The following LSM12 variants were observed in gnomAD, a reference collection of about 807,000 sequenced individuals.
LSM12 encodes the protein protein LSM12.
For synonymous variants in LSM12, 74 were observed against 87.3 expected (o/e 0.85, Z 0.85); for missense variants, 108 against 238.9 (o/e 0.45, Z 3.61).
At position 44,040,442 on chromosome 17, in the gene LSM12, A is replaced by G. The variant is rs1007772223; in HGVS notation, c.259-186T>C. ...TACCTGAACAGTTACTGGTATTCCA[A>G]GAAAACGTTCCTTCCTTCCTTCTAA... On this transcript the variant is annotated intron_variant, in intron 2 of 4. Coordinates refer to ENST00000293406, the MANE Select transcript of LSM12 (RefSeq NM_001371445.1). The G allele has an allele frequency of 6.1e-4, 320 of 523,924 alleles. 1 individual carries two copies. Among genetic ancestry groups the G allele is most frequent in the Non-Finnish European group, 1.7e-4 (50 of 287,414 alleles). The allele number at this position is 523,924 out of a possible 1,614,324, so 32.5% of individuals were successfully genotyped here.
chr17:44,066,672 G>C (rs1048241336), upstream of LSM12: 11 of 1,260,430 alleles, frequency 8.7e-6, no homozygotes, highest in Admixed American at 4.4e-5. Context: ...ACGCGACGGC[G>C]CGCACGGAGC....
intron 2 of LSM12, among the ~76,000 whole-genome samples, chr17:44,041,603 C>G (rs1371188131): frequency 6.6e-6 from 1 of 152,202 alleles, no homozygotes; most frequent in Non-Finnish European, 1.5e-5. Context: ...AATTCTACGT[C>G]ATGTCTGTTC....
intron 2 of LSM12, among the ~76,000 whole-genome samples, chr17:44,049,947 G>A (rs140379636): frequency 5.9e-5 from 9 of 152,308 alleles, no homozygotes; most frequent in Non-Finnish European, 1.2e-4. Flanking sequence ...AGGAAACACT[G>A]CAGCTGCTGC....
intron 2 of LSM12, among the ~76,000 whole-genome samples, chr17:44,063,220 C>T (rs571011888): frequency 1.4e-4 from 21 of 152,268 alleles, no homozygotes; most frequent in African/African-American, 4.6e-4. Flanking sequence ...CAAAGCAAGA[C>T]CCTGTCTCAC....
chr17:44,066,607 C>CCGGCGGCGG lies in LSM12; in HGVS notation c.-29_-21dup, dbSNP rs758214554. On this transcript the variant is annotated 5_prime_UTR_variant, in exon 1 of 5. Coordinates refer to ENST00000293406, the MANE Select transcript of LSM12 (RefSeq NM_001371445.1). The stretch of plus-strand genomic sequence containing the variant: ...CGCCATCTTGGGAGTGCAGCCGCGG[C>CCGGCGGCGG]CGGCGGCGGCGGCGGCAGCAGCGGG... 6 of 1,340,204 alleles carry CCGGCGGCGG rather than the reference C, an allele frequency of 4.5e-6. No individual in the cohort carries two copies. Among genetic ancestry groups the CCGGCGGCGG allele is most frequent in the African/African-American group, 3.1e-5 (2 of 64,868 alleles). The allele number at this position is 1,340,204 out of a possible 1,614,324, so 83.0% of individuals were successfully genotyped here.
At chr17:44,055,982 C>T (rs546404658) in intron 2 of LSM12, among the ~76,000 whole-genome samples, 45 of 151,230 alleles carry the variant, frequency 3.0e-4, no homozygotes, top group African/African-American at 1.1e-3. Flanking sequence ...CTAAAGGTAC[C>T]CTGGGTAGGG....
chr17:44,037,312 G>A lies in LSM12; in HGVS notation c.495+100C>T, dbSNP rs577273148. On this transcript the variant is annotated intron_variant, in intron 4 of 4. Transcript: ENST00000293406. ...CCAGACAGGGCCTCTGCTGCTAGAG[G>A]AGGCAGAGACTGTAGCACAATGTCC... is the stretch of plus-strand genomic sequence containing the variant. 461 of 1,372,122 alleles carry A rather than the reference G, an allele frequency of 3.4e-4. 1 individual carries two copies. The highest frequency in any genetic ancestry group is 3.3e-4 in the Non-Finnish European group (340 of 1,037,772). The allele number at this position is 1,372,122 out of a possible 1,614,324, so 85.0% of individuals were successfully genotyped here.
chr17:44,045,773 G>A (rs1036173900), intron 2 of LSM12, among the ~76,000 whole-genome samples: 1 of 151,520 alleles, frequency 6.6e-6, no homozygotes, highest in East Asian at 1.9e-4. Flanking sequence ...GGGTTTCACC[G>A]TATTGCCCAG....
At chr17:44,036,330 A>G in intron 4 of LSM12, 30 bp from the exon 5 acceptor site, 1 of 1,613,734 alleles carries the variant, frequency 6.2e-7, no homozygotes. Context: ...CCAGGTCAAC[A>G]AAGGAGATGC....
chr17:44,043,289 C>G (rs964145420), intron 2 of LSM12, among the ~76,000 whole-genome samples: 14 of 152,184 alleles, frequency 9.2e-5, no homozygotes, highest in Admixed American at 2.0e-4. Flanking sequence ...CACAGGATCT[C>G]TAGGACATGG....
intron 2 of LSM12, among the ~76,000 whole-genome samples, chr17:44,061,028 A>C (rs1440041481): frequency 6.6e-6 from 1 of 152,182 alleles, no homozygotes; most frequent in Non-Finnish European, 1.5e-5. Flanking sequence ...TTAATACACT[A>C]GGAATAATGC....
chr17:44,056,527 CAGA>C (rs906619149), intron 2 of LSM12, among the ~76,000 whole-genome samples: 29 of 151,860 alleles, frequency 1.9e-4, no homozygotes, highest in African/African-American at 6.8e-4. Flanking sequence ...GAGGGTAAGG[CAGA>C]AGGACTGCTT....
chr17:44,037,565 T>C, intron 3 of LSM12, 27 bp from the exon 4 acceptor site: 2 of 1,591,732 alleles, frequency 1.3e-6, no homozygotes, highest in Non-Finnish European at 1.7e-6. Flanking sequence ...GCAGGCGAAA[T>C]GTAACCTCTT....
At chr17:44,039,265 G>A (rs2049456188) in intron 3 of LSM12, among the ~76,000 whole-genome samples, 2 of 152,000 alleles carry the variant, frequency 1.3e-5, no homozygotes, top group Admixed American at 1.3e-4. Context: ...ATGTTGGTCA[G>A]GCTGGTCTGG....
rs77288485 is a variant in LSM12 at position 44,053,215 on chromosome 17, A to G, written c.258+10586T>C. On this transcript the variant is annotated intron_variant, in intron 2 of 4. Coordinates refer to ENST00000293406, the MANE Select transcript of LSM12 (RefSeq NM_001371445.1). ...AAACAGCCTCCTGTGGGCCAAATTC[A>G]GCCAACCACTTGTCTTAGATAAGTT... Among the ~76,000 whole-genome samples the G allele has an allele frequency of 5.7e-3, 861 of 152,324 alleles. 11 individuals carry two copies. Among genetic ancestry groups the G allele is most frequent in the African/African-American group, 0.02 (815 of 41,582 alleles).
At chr17:44,066,355 G>C in intron 1 of LSM12, 109 bp downstream of exon 1, 1 of 1,367,840 alleles carries the variant, frequency 7.3e-7, no homozygotes, top group Non-Finnish European at 9.6e-7. Context: ...CGCGGTAGCC[G>C]GTCGCCCCTA....
intron 2 of LSM12, among the ~76,000 whole-genome samples, chr17:44,049,634 G>C (rs1009205974): frequency 1.3e-5 from 2 of 152,186 alleles, no homozygotes; most frequent in African/African-American, 4.8e-5. Context: ...CAGTGACATG[G>C]AAGGAAAAGG....
At chr17:44,041,277 AAAAAAAAAAACAAAC>A (rs1490687961) in intron 2 of LSM12, among the ~76,000 whole-genome samples, 1 of 85,720 alleles carries the variant, frequency 1.2e-5, no homozygotes, top group African/African-American at 3.2e-5. Flanking sequence ...TCTCTTTAAA[AAAAAAAAAAACAAAC>A]ACACACACAC....
chr17:44,049,191 A>C (rs12449853), intron 2 of LSM12, among the ~76,000 whole-genome samples: 29,959 of 151,996 alleles, frequency 0.2, 3,065 homozygotes, highest in African/African-American at 0.22. Context: ...TGTCTTTAAA[A>C]AACAACAACA....
Sources: allele counts gnomAD v4.1 joint callset (sites outside exome capture counted in the v4.1 genomes callset), GRCh38; gene constraint gnomAD v4.1.1; transcripts MANE v1.5; gene names NCBI Gene and HGNC (gene_info 2026-07-23, HGNC 2026-07-21).